SLC38A11: variants seen among roughly 807,000 people sequenced by gnomAD.
SLC38A11 encodes the protein solute carrier family 38 member 11.
In SLC38A11, 51 loss-of-function variants were observed where a neutral mutation model predicts 49.4. The ratio of observed to expected loss-of-function variants is 1.03; its 90% CI spans 0.83 to 1.30. The LOEUF (loss-of-function observed/expected upper bound fraction) is 1.30, where lower values mean the gene tolerates loss of function less well. Ranked by LOEUF, SLC38A11 falls within the 50% of genes most tolerant of loss-of-function variation. The pLI is 0.00. For missense variants in SLC38A11, 574 were observed against 556.2 expected (o/e 1.03, Z -0.32); for synonymous variants, 203 against 192.9 (o/e 1.05, Z -0.43).
chr2:164,906,161 A>G (rs1433887196), intron 11 of SLC38A11, among the ~76,000 whole-genome samples: 1 of 152,202 alleles, frequency 6.6e-6, no homozygotes, highest in Non-Finnish European at 1.5e-5. Flanking sequence ...TAATAAATAT[A>G]TTTTGTCTTA....
intron 7 of SLC38A11, among the ~76,000 whole-genome samples, chr2:164,923,917 A>G (rs1261541620): frequency 2.0e-5 from 3 of 152,204 alleles, no homozygotes; most frequent in Non-Finnish European, 4.4e-5. Flanking sequence ...AGATATTTCA[A>G]ATAAATTAAA....
At chr2:164,946,780 C>T (rs184522626) in intron 3 of SLC38A11, among the ~76,000 whole-genome samples, 3 of 152,092 alleles carry the variant, frequency 2.0e-5, no homozygotes, top group East Asian at 3.9e-4. Context: ...CATTTTTATC[C>T]ATTAAGTAAT....
At chr2:164,905,835 AG>A (rs1460862474) in intron 11 of SLC38A11, among the ~76,000 whole-genome samples, 3 of 152,186 alleles carry the variant, frequency 2.0e-5, no homozygotes, top group African/African-American at 7.2e-5. Flanking sequence ...ATAGTCCTCC[AG>A]GGCCAGCTCA....
At chr2:164,903,452 A>T (rs759870952) in intron 11 of SLC38A11, among the ~76,000 whole-genome samples, 6 of 152,176 alleles carry the variant, frequency 3.9e-5, no homozygotes, top group Non-Finnish European at 5.9e-5. Flanking sequence ...AAGACTATAT[A>T]GCTCATATTT....
chr2:164,900,571 G>A (rs532398685), intron 11 of SLC38A11, among the ~76,000 whole-genome samples: 11 of 151,918 alleles, frequency 7.2e-5, no homozygotes, highest in Non-Finnish European at 1.3e-4. Context: ...GCACTTTTTC[G>A]TATACCTGTT....
At chr2:164,924,582 A>G (rs1375648884) in intron 7 of SLC38A11, among the ~76,000 whole-genome samples, 5 of 152,186 alleles carry the variant, frequency 3.3e-5, no homozygotes, top group Non-Finnish European at 7.4e-5. Context: ...GATGCAAATC[A>G]TTTCTAATTA....
intron 7 of SLC38A11, among the ~76,000 whole-genome samples, chr2:164,925,179 G>A (rs77276137): frequency 0.014 from 2,173 of 152,242 alleles, 48 homozygotes; most frequent in African/African-American, 0.049. Context: ...CCTACTGGGC[G>A]TTCTCTAATT....
At chr2:164,900,806 T>A (rs1684604162) in intron 11 of SLC38A11, among the ~76,000 whole-genome samples, 1 of 152,090 alleles carries the variant, frequency 6.6e-6, no homozygotes, top group African/African-American at 2.4e-5. Flanking sequence ...TTTAGTTTGA[T>A]GTAGTCCTAT....
At chr2:164,929,288 T>C (rs924319550) in intron 7 of SLC38A11, among the ~76,000 whole-genome samples, 1 of 152,150 alleles carries the variant, frequency 6.6e-6, no homozygotes, top group South Asian at 2.1e-4. Context: ...ATCACTGTCC[T>C]TTGGGATACC....
chr2:164,927,764 G>T (rs34127832), intron 7 of SLC38A11, among the ~76,000 whole-genome samples: 26,682 of 151,896 alleles, frequency 0.18, 2,498 homozygotes, highest in Admixed American at 0.29. Context: ...GCCTGCACAG[G>T]TTAGGCTAAG....
intron 7 of SLC38A11, among the ~76,000 whole-genome samples, chr2:164,936,835 T>C (rs1348358486): frequency 7.1e-6 from 1 of 141,112 alleles, no homozygotes; most frequent in Non-Finnish European, 1.6e-5. Context: ...GTCAACATTT[T>C]ACCTCACCAA....
chr2:164,949,025 T>A (rs951647131), intron 3 of SLC38A11, among the ~76,000 whole-genome samples: 20 of 151,496 alleles, frequency 1.3e-4, no homozygotes, highest in Non-Finnish European at 2.5e-4. Flanking sequence ...TTTTATAAAG[T>A]GGTATAATTA....
chr2:164,900,962 T>C (rs183280917), intron 11 of SLC38A11, among the ~76,000 whole-genome samples: 1 of 152,212 alleles, frequency 6.6e-6, no homozygotes, highest in African/African-American at 2.4e-5. Flanking sequence ...TCTTATCCAT[T>C]TGGAATTGAT....
At chr2:164,913,940 G>A (rs1490823758) in intron 9 of SLC38A11, among the ~76,000 whole-genome samples, 1 of 151,962 alleles carries the variant, frequency 6.6e-6, no homozygotes, top group Non-Finnish European at 1.5e-5. Context: ...AAGTCATAGT[G>A]ATCTGTAACC....
intron 3 of SLC38A11, among the ~76,000 whole-genome samples, chr2:164,947,334 G>A (rs889930522): frequency 1.3e-5 from 2 of 151,738 alleles, no homozygotes; most frequent in Admixed American, 1.3e-4. Context: ...GTTTTGCCAC[G>A]TTGGCCAAGA....
At position 164,894,411 on chromosome 2, in the gene SLC38A11, T is replaced by A. The variant is rs1442643586; in HGVS notation, c.*4026A>T. Among the ~76,000 whole-genome samples, 1 of 152,190 alleles carries A rather than the reference T, an allele frequency of 6.6e-6. No individual in the cohort carries two copies. The highest frequency in any genetic ancestry group is 1.9e-4 in the East Asian group (1 of 5,204). On this transcript the variant is annotated 3_prime_UTR_variant, in exon 12 of 12. Transcript: ENST00000685975. Reference sequence around the variant, plus strand: ...CAAACATTAATGGAATGAAAAAGTGTCTTAACAAAAGACAACCATGTAAAT... The same window carrying A: ...CAAACATTAATGGAATGAAAAAGTGACTTAACAAAAGACAACCATGTAAAT...
intron 5 of SLC38A11, among the ~76,000 whole-genome samples, chr2:164,939,832 C>T (rs1439290795): frequency 6.6e-6 from 1 of 151,864 alleles, no homozygotes; most frequent in Non-Finnish European, 1.5e-5. Flanking sequence ...AGTTTTCATG[C>T]TTCTGCCTTC....
intron 5 of SLC38A11, among the ~76,000 whole-genome samples, chr2:164,941,595 C>A (rs1015302267): frequency 1.3e-5 from 2 of 152,028 alleles, no homozygotes; most frequent in Non-Finnish European, 2.9e-5. Context: ...AATTGATAAC[C>A]AGGAAGAGGG....
intron 7 of SLC38A11, among the ~76,000 whole-genome samples, chr2:164,917,106 G>A (rs1191607552): frequency 1.3e-5 from 2 of 152,084 alleles, no homozygotes; most frequent in African/African-American, 4.8e-5. Flanking sequence ...GCAGCAAAAA[G>A]TCTAAAAGTA....
Sources: allele counts gnomAD v4.1 joint callset (sites outside exome capture counted in the v4.1 genomes callset), GRCh38; gene constraint gnomAD v4.1.1; transcripts MANE v1.5; gene names NCBI Gene and HGNC (gene_info 2026-07-23, HGNC 2026-07-21).